The following STEAP2 variants were observed in gnomAD, a reference collection of about 807,000 sequenced individuals.
STEAP2 encodes metalloreductase STEAP2.
A neutral mutation model predicts 46.4 loss-of-function variants in STEAP2; 30 were observed. The observed-to-expected ratio is 0.65, with a 90% CI of 0.48 to 0.88. The LOEUF (loss-of-function observed/expected upper bound fraction) is 0.88, where lower values mean the gene tolerates loss of function less well. STEAP2 is among the 40% of genes least tolerant of loss of function. STEAP2 has a pLI of 0.00. For synonymous variants in STEAP2, 180 were observed against 200.5 expected (o/e 0.90, Z 0.86); for missense variants, 513 against 579.3 (o/e 0.89, Z 1.18).
intron 5 of STEAP2, 50 bp from the exon 6 acceptor site, chr7:90,232,287 G>C: frequency 6.7e-7 from 1 of 1,483,448 alleles, no homozygotes; most frequent in Non-Finnish European, 9.0e-7. Context: ...ATGAGTTTCA[G>C]TCATTTGTTT....
Position 90,236,701 on chromosome 7 carries a change from T to C in STEAP2, c.*4077T>C. ...TTACTAAAAAATGTTTTGTTCAGCC[T>C]AACATACTGAGTTTTTTTTAACTTT... On this transcript the variant is annotated 3_prime_UTR_variant, in exon 6 of 6. Coordinates refer to ENST00000394621, the MANE Select transcript of STEAP2 (RefSeq NM_001244944.2). 7.2e-7 allele frequency: 1 copy of C among 1,391,052 alleles called. No individual in the cohort carries two copies. The highest frequency in any genetic ancestry group is 9.3e-7 in the Non-Finnish European group (1 of 1,077,366). The allele number at this position is 1,391,052 out of a possible 1,614,324, so 86.2% of individuals were successfully genotyped here.
intron 1 of STEAP2, chr7:90,215,632 C>T (rs2116132802): frequency 6.6e-6 from 1 of 152,288 alleles, no homozygotes; most frequent in African/African-American, 2.4e-5. Flanking sequence ...TTGGAAACTA[C>T]CACCAGAGTC....
At chr7:90,238,046 G>T, downstream of STEAP2, 2 of 717,124 alleles carry the variant, frequency 2.8e-6, no homozygotes, top group Non-Finnish European at 5.2e-6. Context: ...CCGCATCCAT[G>T]CAGCCATGCC....
chr7:90,213,626 A>C (rs1794902523), intron 1 of STEAP2, among the ~76,000 whole-genome samples: 1 of 152,148 alleles, frequency 6.6e-6, no homozygotes, highest in Non-Finnish European at 1.5e-5. Context: ...AATTTTTTTG[A>C]TGTATTCCAT....
At chr7:90,217,944 C>T (rs552064239) in intron 2 of STEAP2, among the ~76,000 whole-genome samples, 1 of 152,168 alleles carries the variant, frequency 6.6e-6, no homozygotes, top group Non-Finnish European at 1.5e-5. Flanking sequence ...TCATTTTTCT[C>T]TTTTAATAAT....
In STEAP2 at chr7:90,227,365, A is replaced by C. The variant is rs972875210; in HGVS notation, c.887A>C (p.Glu296Ala). 3 of 1,613,724 alleles carry C rather than the reference A, an allele frequency of 1.9e-6. No homozygotes were observed. Among genetic ancestry groups the C allele is most frequent in the African/African-American group, 1.3e-5 (1 of 74,906 alleles). The change falls in exon 4 of 6, where the codon GAA becomes GCA. Residue 296 changes from glutamate to alanine, a missense_variant. Glu to Ala is a moderately radical substitution (Grantham distance 107). Coordinates refer to ENST00000394621, the MANE Select transcript of STEAP2 (RefSeq NM_001244944.2). Reference sequence around the variant, plus strand: ...TATAGGAGATTTCCACCTTGGTTGGAAACCTGGTTACAGTGTAGAAAACAG... The same window carrying C: ...TATAGGAGATTTCCACCTTGGTTGGCAACCTGGTTACAGTGTAGAAAACAG... ...TKYRRFPPWL[E>A]TWLQCRKQLG...
chr7:90,225,674 A>G (rs1166219420), intron 3 of STEAP2, 100 bp downstream of exon 3: 11 of 1,303,816 alleles, frequency 8.4e-6, no homozygotes, highest in East Asian at 7.2e-5. Context: ...ACACTTTCCA[A>G]TGATTATCAT....
Position 90,225,578 on chromosome 7 carries a change from T to C in STEAP2, c.492+4T>C. On this transcript the variant is annotated splice_donor_region_variant and intron_variant, in intron 3 of 5. Transcript: ENST00000394621. ...ACCTAAGGATGCCAGCCGGCAGGTA[T>C]GTATTTTACATTTTTATTCTTATGT... is the stretch of plus-strand genomic sequence containing the variant. The C allele has an allele frequency of 6.4e-7, 1 of 1,567,514 alleles. No homozygotes were observed.
Position 90,232,586 on chromosome 7 carries a change from A to T in STEAP2, c.1435A>T (p.Ile479Phe), listed in dbSNP as rs1476449127. Reference sequence around the variant, plus strand: ...TCTGGAAGAAGGTATGGGAGGAACAATTCCTCATGTCTCCCCGGAGAGGGT... The same window carrying T: ...TCTGGAAGAAGGTATGGGAGGAACATTTCCTCATGTCTCCCCGGAGAGGGT... ...QFLEEGMGGTIPHVSPERVTV... is the reference protein window; with the variant it reads ...QFLEEGMGGTFPHVSPERVTV... The change falls in exon 6 of 6, where the codon ATT (isoleucine) becomes TTT (phenylalanine). Residue 479 changes from isoleucine (I) to phenylalanine (F), a missense_variant. Coordinates refer to ENST00000394621, the MANE Select transcript of STEAP2 (RefSeq NM_001244944.2). 1.2e-6 allele frequency: 2 copies of T among 1,612,884 alleles called. No homozygotes were observed. Among genetic ancestry groups the T allele is most frequent in the Admixed American group, 3.3e-5 (2 of 59,950 alleles).
intron 5 of STEAP2, among the ~76,000 whole-genome samples, chr7:90,230,802 T>C (rs1310484997): frequency 6.6e-6 from 1 of 151,904 alleles, no homozygotes. Context: ...TCATGTCCTT[T>C]GGTGGTACAC....
In STEAP2 at chr7:90,233,031, A is replaced by T. The variant is rs1429116263; in HGVS notation, c.*407A>T. ...TTTTCTGAAGATTAAGATTTTAATT[A>T]TTCAACTTAAAAAGTAGAAATGCAT... is the stretch of plus-strand genomic sequence containing the variant. On this transcript the variant is annotated 3_prime_UTR_variant, in exon 6 of 6. Coordinates refer to ENST00000394621, the MANE Select transcript of STEAP2 (RefSeq NM_001244944.2). 2 of 964,316 alleles carry T rather than the reference A, an allele frequency of 2.1e-6. No individual in the cohort carries two copies. Among genetic ancestry groups the T allele is most frequent in the Non-Finnish European group, 2.5e-6 (2 of 810,618 alleles). 59.7% of individuals were successfully genotyped at this position (964,316 alleles called of 1,614,324 possible). A position where few individuals can be genotyped will look rare whatever the true frequency, so the allele number is the denominator to read the frequency against.
intron 3 of STEAP2, 89 bp downstream of exon 3, chr7:90,225,663 G>C: frequency 7.4e-7 from 1 of 1,357,098 alleles, no homozygotes. Context: ...ACCAAACTCT[G>C]ACACTTTCCA....
chr7:90,241,655 A>G (rs1364744399), downstream of STEAP2, among the ~76,000 whole-genome samples: 2 of 152,192 alleles, frequency 1.3e-5, no homozygotes. Flanking sequence ...CTATTTCTCC[A>G]GACGATTCTG....
At chr7:90,215,113 G>T (rs1193137842) in intron 1 of STEAP2, among the ~76,000 whole-genome samples, 1 of 152,148 alleles carries the variant, frequency 6.6e-6, no homozygotes, top group African/African-American at 2.4e-5. Flanking sequence ...CTTCAAAGGA[G>T]CTGGGTGTTT....
chr7:90,237,031 C>A lies in STEAP2; in HGVS notation c.*4407C>A. On this transcript the variant is annotated 3_prime_UTR_variant, in exon 6 of 6. Transcript: ENST00000394621. ...AGGTGTACATGTGACTGAGTGTTGGCCAGTGAGATGAAGTCTCCTCAAAGG... is the reference window on the plus strand; with the variant it reads ...AGGTGTACATGTGACTGAGTGTTGGACAGTGAGATGAAGTCTCCTCAAAGG... 6.8e-7 allele frequency: 1 copy of A among 1,469,154 alleles called. No homozygotes were observed. Among genetic ancestry groups the A allele is most frequent in the Non-Finnish European group, 9.5e-7 (1 of 1,057,164 alleles). The allele number at this position is 1,469,154 out of a possible 1,614,324, so 91.0% of individuals were successfully genotyped here. A position where few individuals can be genotyped will look rare whatever the true frequency, so the allele number is the denominator to read the frequency against.
rs368882201 is a variant in STEAP2, at chr7:90,230,056, G to A, written c.1185+20G>A. The A allele has an allele frequency of 2.5e-6, 4 of 1,608,468 alleles. No individual in the cohort carries two copies. Among genetic ancestry groups the A allele is most frequent in the East Asian group, 4.5e-5 (2 of 44,810 alleles). On this transcript the variant is annotated intron_variant, in intron 5 of 5. Coordinates refer to ENST00000394621, the MANE Select transcript of STEAP2 (RefSeq NM_001244944.2). ...ATTCAGGTATGTGGGGTTTTGTTTG[G>A]TGAAGGATTGTGCAGGATAGGATTT...
Position 90,214,630 on chromosome 7 carries a change from A to G in STEAP2, c.-146-1861A>G, listed in dbSNP as rs369977494. Among the ~76,000 whole-genome samples the G allele has an allele frequency of 2.6e-5, 4 of 152,138 alleles. No individual in the cohort carries two copies. The East Asian group carries it at 7.8e-4, about 30-fold the overall frequency. On this transcript the variant is annotated intron_variant, in intron 1 of 5. Coordinates refer to ENST00000394621, the MANE Select transcript of STEAP2 (RefSeq NM_001244944.2). The stretch of plus-strand genomic sequence containing the variant: ...AAGCAGATATGATGGAGAGTAAGAG[A>G]GCTGAGGATCTTTTTAAGGGAGTGA...
chr7:90,216,084 CAT>C (rs1351021857), intron 1 of STEAP2: 2 of 152,154 alleles, frequency 1.3e-5, no homozygotes, highest in Admixed American at 1.3e-4. Flanking sequence ...CTATAAATGA[CAT>C]AGTTTTATCA....
Position 90,229,857 on chromosome 7 carries a change from T to G in STEAP2, c.1021-15T>G, listed in dbSNP as rs769434890. ...TCTACTAAATAAAGGAAATTCACATTCGCTTTCTTGTTAGGTTCATGCAAA... is the reference window on the plus strand; with the variant it reads ...TCTACTAAATAAAGGAAATTCACATGCGCTTTCTTGTTAGGTTCATGCAAA... On this transcript the variant is annotated splice_polypyrimidine_tract_variant and intron_variant, in intron 4 of 5. Transcript: ENST00000394621. The G allele has an allele frequency of 3.1e-6, 5 of 1,609,822 alleles. No homozygotes were observed. The highest frequency in any genetic ancestry group is 4.2e-6 in the Non-Finnish European group (5 of 1,177,930).
Sources: gnomAD v4.1 joint callset for allele counts (sites outside exome capture counted in the v4.1 genomes callset) on GRCh38, gnomAD v4.1.1 for gene constraint, MANE v1.5 for transcripts, NCBI Gene and HGNC (gene_info 2026-07-23, HGNC 2026-07-21) for gene names.